IFT56: variants seen among roughly 807,000 people sequenced by gnomAD.
The protein encoded by IFT56 is intraflagellar transport 56.
At chr7:139,163,323 CAG>C in the IFT56 span, among the ~76,000 whole-genome samples, 8 of 143,362 alleles carry the variant, frequency 5.6e-5, no homozygotes, top group African/African-American at 2.1e-4. Context: ...GCCTGGGTGA[CAG>C]AGCGAGACTC....
chr7:139,161,292 G>T, the IFT56 span: 1 of 379,316 alleles, frequency 2.6e-6, no homozygotes, highest in Non-Finnish European at 4.7e-6. Context: ...AAAGACAAAG[G>T]AACGTATCCC....
the IFT56 span, chr7:139,147,356 G>A: frequency 1.5e-6 from 2 of 1,378,564 alleles, no homozygotes; most frequent in Non-Finnish European, 2.0e-6. Flanking sequence ...TAACTAGTTT[G>A]AGAATCTAGT....
At chr7:139,148,471 C>A in the IFT56 span, 1 of 1,197,490 alleles carries the variant, frequency 8.4e-7, no homozygotes, top group Non-Finnish European at 1.2e-6. Context: ...ATCTGTAACT[C>A]TTGATTAATA....
At chr7:139,184,781 G>T in the IFT56 span, among the ~76,000 whole-genome samples, 1 of 152,164 alleles carries the variant, frequency 6.6e-6, no homozygotes, top group Admixed American at 6.6e-5. Context: ...CAGGCCGGGC[G>T]TGGTGGCTGA....
At chr7:139,157,495 AT>A in the IFT56 span, among the ~76,000 whole-genome samples, 2,049 of 82,406 alleles carry the variant, frequency 0.025, 38 homozygotes, top group East Asian at 0.082. Context: ...TTTGTATTGG[AT>A]TTTTTTTTTT....
At chr7:139,155,748 A>AT in the IFT56 span, among the ~76,000 whole-genome samples, 3 of 151,112 alleles carry the variant, frequency 2.0e-5, no homozygotes, top group East Asian at 1.9e-4. Flanking sequence ...TTCTCTTGTA[A>AT]TTTTTTTTTG....
At chr7:139,134,723 T>A in the IFT56 span, 9 of 1,613,888 alleles carry the variant, frequency 5.6e-6, no homozygotes, top group Non-Finnish European at 8.5e-7. Context: ...AGAAGAAAGG[T>A]AGGAAGATTC....
At chr7:139,173,972 G>C in the IFT56 span, 6 of 661,170 alleles carry the variant, frequency 9.1e-6, no homozygotes, top group Admixed American at 8.1e-5. Flanking sequence ...TGCTGCCAGA[G>C]GAACTGCTTA....
chr7:139,148,075 C>T, the IFT56 span: 4 of 729,086 alleles, frequency 5.5e-6, no homozygotes, highest in Non-Finnish European at 8.9e-6. Flanking sequence ...TTATACTGAT[C>T]ATATCTTGCC....
the IFT56 span, among the ~76,000 whole-genome samples, chr7:139,184,209 A>G: frequency 2.0e-5 from 3 of 152,124 alleles, no homozygotes; most frequent in African/African-American, 7.2e-5. Context: ...GCCTTTTCAG[A>G]TCTGCTTAAT....
At chr7:139,157,721 G>T in the IFT56 span, among the ~76,000 whole-genome samples, 2 of 151,920 alleles carry the variant, frequency 1.3e-5, no homozygotes, top group East Asian at 3.9e-4. Flanking sequence ...GCTAAGGTTG[G>T]TCTTGAACTC....
the IFT56 span, chr7:139,168,324 G>A: frequency 6.4e-7 from 1 of 1,570,550 alleles, no homozygotes; most frequent in Non-Finnish European, 8.7e-7. Flanking sequence ...CTCTTAATCA[G>A]TGTTATTCCA....
the IFT56 span, among the ~76,000 whole-genome samples, chr7:139,149,779 C>T: frequency 0.017 from 2,638 of 152,004 alleles, 74 homozygotes; most frequent in African/African-American, 0.059. Context: ...TATAGGAAAC[C>T]GAGAAAACAC....
At chr7:139,175,487 G>T in the IFT56 span, among the ~76,000 whole-genome samples, 1 of 152,100 alleles carries the variant, frequency 6.6e-6, no homozygotes, top group Non-Finnish European at 1.5e-5. Context: ...TCCATCAACG[G>T]GTGAAGGAAT....
At chr7:139,143,646 A>G in the IFT56 span, among the ~76,000 whole-genome samples, 3 of 151,990 alleles carry the variant, frequency 2.0e-5, no homozygotes, top group African/African-American at 7.2e-5. Flanking sequence ...TTAAAAAAAA[A>G]CCTCTAGTAT....
At chr7:139,146,593 C>G in the IFT56 span, among the ~76,000 whole-genome samples, 1 of 151,826 alleles carries the variant, frequency 6.6e-6, no homozygotes, top group African/African-American at 2.4e-5. Flanking sequence ...TGGTGAAACC[C>G]CATCTCTACC....
chr7:139,134,090 A>G, the IFT56 span, among the ~76,000 whole-genome samples: 3 of 152,170 alleles, frequency 2.0e-5, no homozygotes, highest in African/African-American at 7.2e-5. Flanking sequence ...TGGGAAGCAG[A>G]GGAAGGGAAA....
chr7:139,174,440 G>A, the IFT56 span, among the ~76,000 whole-genome samples: 13 of 152,126 alleles, frequency 8.5e-5, no homozygotes, highest in East Asian at 1.9e-4. Context: ...GTTCCCGACC[G>A]TGTGTGAGCA....
chr7:139,153,053 G>A, the IFT56 span, among the ~76,000 whole-genome samples: 1 of 151,802 alleles, frequency 6.6e-6, no homozygotes, highest in Admixed American at 6.6e-5. Context: ...GGAGGCTGAG[G>A]CAGGAGAATC....
Sources: gnomAD v4.1 joint callset for allele counts (sites outside exome capture counted in the v4.1 genomes callset) on GRCh38, gnomAD v4.1.1 for gene constraint, MANE v1.5 for transcripts, NCBI Gene and HGNC (gene_info 2026-07-23, HGNC 2026-07-21) for gene names.